The following CBFA2T2 variants were observed in gnomAD, a reference collection of about 807,000 sequenced individuals.
CBFA2T2 encodes protein CBFA2T2.
A neutral mutation model predicts 62.2 loss-of-function variants in CBFA2T2; 11 were observed. That is an observed-to-expected ratio of 0.18 (90% CI 0.11 to 0.29). The LOEUF is 0.29. Ranked by LOEUF, CBFA2T2 falls within the 10% of genes least tolerant of loss-of-function variation. The pLI is 1.00. For synonymous variants in CBFA2T2, 295 were observed against 287.5 expected, an observed-to-expected ratio of 1.03 and a Z score of -0.27; for missense variants, 592 against 774.1, an observed-to-expected ratio of 0.76 and a Z score of 2.79.
chr20:33,551,987 G>A (rs551571630), intron 1 of CBFA2T2, among the ~76,000 whole-genome samples: 56 of 149,522 alleles, frequency 3.7e-4, no homozygotes, highest in African/African-American at 1.2e-3. Flanking sequence ...AGTCTGACTT[G>A]TGTCCCATAA....
At chr20:33,631,759 G>A (rs1238297434) in intron 8 of CBFA2T2, among the ~76,000 whole-genome samples, 2 of 152,130 alleles carry the variant, frequency 1.3e-5, no homozygotes, top group Non-Finnish European at 2.9e-5. Flanking sequence ...AAGGCAATCT[G>A]GATGATAAGT....
intron 1 of CBFA2T2, among the ~76,000 whole-genome samples, chr20:33,497,964 T>C (rs1349774285): frequency 6.6e-6 from 1 of 152,192 alleles, no homozygotes. Context: ...ATTGCAGATG[T>C]GAGCCATTGA....
intron 1 of CBFA2T2, among the ~76,000 whole-genome samples, chr20:33,571,463 A>G (rs1365702415): frequency 6.6e-6 from 1 of 152,218 alleles, no homozygotes; most frequent in Non-Finnish European, 1.5e-5. Flanking sequence ...ATGTCAATTC[A>G]TATATCCATT....
rs140669952 is a variant in CBFA2T2, at chr20:33,647,096, C to T, written c.*2450C>T. On this transcript the variant is annotated 3_prime_UTR_variant, in exon 11 of 11. Transcript: ENST00000342704. Reference sequence around the variant, plus strand: ...GCCTAATACATGGGTATCCCCCGACCCCATCTGCCTCCTTAAGCCACAGTC... The same window carrying T: ...GCCTAATACATGGGTATCCCCCGACTCCATCTGCCTCCTTAAGCCACAGTC... 1.4e-4 allele frequency: 21 copies of T among 152,304 alleles called. No individual in the cohort carries two copies. The highest frequency in any genetic ancestry group is 4.8e-4 in the African/African-American group (20 of 41,542). The allele number at this position is 152,304 out of a possible 1,614,324, so 9.4% of individuals were successfully genotyped here.
At chr20:33,553,290 A>AC (rs2012790401) in intron 1 of CBFA2T2, among the ~76,000 whole-genome samples, 1 of 152,168 alleles carries the variant, frequency 6.6e-6, no homozygotes, top group Non-Finnish European at 1.5e-5. Context: ...AATGGTGCAC[A>AC]GTCTTGGCTC....
chr20:33,625,990 T>C lies in CBFA2T2; in HGVS notation c.946+973T>C, dbSNP rs187632664. 2.1e-3 allele frequency among the ~76,000 whole-genome samples: 327 copies of C among 152,206 alleles called. 3 individuals are homozygous for C. Among genetic ancestry groups the C allele is most frequent in the African/African-American group, 7.6e-3 (315 of 41,522 alleles). On this transcript the variant is annotated intron_variant, in intron 6 of 10. Transcript: ENST00000342704. ...GGTGGTGGGCACCTGTAGTCCCAGC[T>C]ACTCAGGAGGCTGAGGCAGGAGAAT...
intron 1 of CBFA2T2, among the ~76,000 whole-genome samples, chr20:33,534,500 A>T (rs2012148020): frequency 6.6e-6 from 1 of 151,960 alleles, no homozygotes; most frequent in Non-Finnish European, 1.5e-5. Context: ...TTTAGTAGAG[A>T]CGAGGTTTCA....
chr20:33,545,540 C>T (rs1271996908), intron 1 of CBFA2T2, among the ~76,000 whole-genome samples: 4 of 52 alleles, frequency 0.077, no homozygotes, highest in African/African-American at 0.33. Flanking sequence ...CCTCTGCCTC[C>T]GGGTTCAAGG....
At chr20:33,553,487 C>T (rs2012797869) in intron 1 of CBFA2T2, among the ~76,000 whole-genome samples, 2 of 152,236 alleles carry the variant, frequency 1.3e-5, no homozygotes, top group Non-Finnish European at 2.9e-5. Context: ...CAGCCTCAGC[C>T]TCCCAAAGTG....
chr20:33,588,687 C>G (rs2014483488), intron 1 of CBFA2T2, among the ~76,000 whole-genome samples: 1 of 152,192 alleles, frequency 6.6e-6, no homozygotes, highest in Admixed American at 6.5e-5. Context: ...TGGCTCACGC[C>G]TGTAATCCCA....
chr20:33,579,411 A>G (rs570551564), intron 1 of CBFA2T2, among the ~76,000 whole-genome samples: 1 of 151,782 alleles, frequency 6.6e-6, no homozygotes, highest in East Asian at 1.9e-4. Context: ...AGAAAACTTT[A>G]ATTTTCGTGA....
At chr20:33,568,234 A>G (rs2013418431) in intron 1 of CBFA2T2, among the ~76,000 whole-genome samples, 1 of 152,172 alleles carries the variant, frequency 6.6e-6, no homozygotes, top group Non-Finnish European at 1.5e-5. Flanking sequence ...ACTCAATAAG[A>G]TTTCTCTTTC....
intron 1 of CBFA2T2, among the ~76,000 whole-genome samples, chr20:33,593,236 G>A (rs948082891): frequency 6.6e-6 from 1 of 152,012 alleles, no homozygotes; most frequent in Admixed American, 6.6e-5. Flanking sequence ...GGAGGCTGAG[G>A]CAGGAGAATT....
intron 1 of CBFA2T2, among the ~76,000 whole-genome samples, chr20:33,567,491 C>T (rs2013374949): frequency 6.6e-6 from 1 of 152,028 alleles, no homozygotes; most frequent in South Asian, 2.1e-4. Flanking sequence ...ACCACATTCA[C>T]ATAACTTTTA....
intron 1 of CBFA2T2, among the ~76,000 whole-genome samples, chr20:33,524,761 A>G (rs2011836976): frequency 6.6e-6 from 1 of 152,196 alleles, no homozygotes; most frequent in Admixed American, 6.5e-5. Context: ...ATGGTAAGGT[A>G]TATTTTTTTG....
chr20:33,572,035 C>T (rs768734077), intron 1 of CBFA2T2, among the ~76,000 whole-genome samples: 7 of 152,176 alleles, frequency 4.6e-5, no homozygotes, highest in Non-Finnish European at 7.3e-5. Context: ...GGACTACAGG[C>T]GCCTGCCACC....
intron 1 of CBFA2T2, among the ~76,000 whole-genome samples, chr20:33,596,980 A>G (rs2122256863): frequency 6.8e-6 from 1 of 147,724 alleles, no homozygotes; most frequent in East Asian, 2.0e-4. Flanking sequence ...GCTAGAGTAC[A>G]GTGGCACAAT....
chr20:33,569,460 T>C (rs2013461562), intron 1 of CBFA2T2, among the ~76,000 whole-genome samples: 1 of 152,262 alleles, frequency 6.6e-6, no homozygotes, highest in Non-Finnish European at 1.5e-5. Context: ...TGTTCCACTT[T>C]GGTTATTGTT....
chr20:33,532,903 C>A (rs1365996617), intron 1 of CBFA2T2, among the ~76,000 whole-genome samples: 1 of 152,174 alleles, frequency 6.6e-6, no homozygotes, highest in Non-Finnish European at 1.5e-5. Context: ...AGGAGTGATT[C>A]CTCTCTGTGT....
Sources: gnomAD v4.1 joint callset for allele counts (sites outside exome capture counted in the v4.1 genomes callset) on GRCh38, gnomAD v4.1.1 for gene constraint, MANE v1.5 for transcripts, NCBI Gene and HGNC (gene_info 2026-07-23, HGNC 2026-07-21) for gene names.